TRMT11: variants seen among roughly 807,000 people sequenced by gnomAD.
TRMT11 encodes tRNA (guanine(10)-N(2))-methyltransferase TRMT11.
A neutral mutation model predicts 62.8 loss-of-function variants in TRMT11; 53 were observed. That is an observed-to-expected ratio of 0.84 (90% CI 0.68 to 1.06). The LOEUF (loss-of-function observed/expected upper bound fraction) is 1.06. Ranked by LOEUF, TRMT11 falls within the 50% of genes least tolerant of loss-of-function variation. TRMT11 has a pLI of 0.00. For missense variants in TRMT11, 556 were observed against 553.4 expected (o/e 1.00, Z -0.05); for synonymous variants, 188 against 190.3 (o/e 0.99, Z 0.10).
the TRMT11 span, among the ~76,000 whole-genome samples, chr6:126,256,703 T>A: frequency 1.3e-5 from 2 of 152,156 alleles, no homozygotes. Context: ...AATTCTGAAA[T>A]CCAGCAGGAT....
At chr6:126,051,254 G>A (rs989321593) in intron 16 of TRMT11, among the ~76,000 whole-genome samples, 1 of 152,178 alleles carries the variant, frequency 6.6e-6, no homozygotes, top group Non-Finnish European at 1.5e-5. Context: ...AGTTAGCCAG[G>A]TTAAGCTGGG....
At chr6:126,074,673 C>G (rs1433356888) in intron 17 of TRMT11, among the ~76,000 whole-genome samples, 1 of 152,070 alleles carries the variant, frequency 6.6e-6, no homozygotes, top group African/African-American at 2.4e-5. Context: ...TTATTTTCCT[C>G]AATCAGACAG....
chr6:126,069,646 G>A (rs1003098896), intron 17 of TRMT11, among the ~76,000 whole-genome samples: 8 of 152,150 alleles, frequency 5.3e-5, no homozygotes, highest in South Asian at 2.1e-4. Flanking sequence ...TAACAGCTTC[G>A]TGTTGGCCCC....
At chr6:126,021,059 C>A in intron 11 of TRMT11, 101 bp from the exon 12 acceptor site, 1 of 1,320,928 alleles carries the variant, frequency 7.6e-7, no homozygotes, top group East Asian at 2.3e-5. Flanking sequence ...GGAAAAAGAG[C>A]ATGTAGTGGA....
At chr6:126,266,368 C>T in the TRMT11 span, among the ~76,000 whole-genome samples, 4 of 152,118 alleles carry the variant, frequency 2.6e-5, no homozygotes, top group South Asian at 6.2e-4. Flanking sequence ...GAGCTTTCTA[C>T]GGTAACCACT....
chr6:126,130,325 T>A (rs569232979), intron 21 of TRMT11, among the ~76,000 whole-genome samples: 185 of 152,190 alleles, frequency 1.2e-3, no homozygotes, highest in Non-Finnish European at 2.2e-3. Context: ...AGATAATAAT[T>A]GACACCTACA....
intron 21 of TRMT11, among the ~76,000 whole-genome samples, chr6:126,121,138 A>G (rs1777645196): frequency 1.3e-5 from 2 of 152,052 alleles, no homozygotes; most frequent in South Asian, 4.1e-4. Context: ...ACTCTATTAG[A>G]TTATCAATTT....
At chr6:125,988,608 A>T (rs1790058539) in intron 1 of TRMT11, among the ~76,000 whole-genome samples, 1 of 152,124 alleles carries the variant, frequency 6.6e-6, no homozygotes. Context: ...TTCTTGAGAG[A>T]TGATGGGCCA....
chr6:126,012,707 G>A, intron 9 of TRMT11, 64 bp from the exon 10 acceptor site: 2 of 1,247,954 alleles, frequency 1.6e-6, no homozygotes, highest in Non-Finnish European at 2.3e-6. Flanking sequence ...CAGCATGGCT[G>A]TTTGCCCTTG....
chr6:126,076,017 C>T (rs1468804243), intron 17 of TRMT11, among the ~76,000 whole-genome samples: 1 of 150,768 alleles, frequency 6.6e-6, no homozygotes, highest in Admixed American at 6.6e-5. Context: ...GGTTAGTGAA[C>T]ATTAACTGCT....
At chr6:126,159,532 C>A (rs1204065122) in intron 21 of TRMT11, among the ~76,000 whole-genome samples, 1 of 152,222 alleles carries the variant, frequency 6.6e-6, no homozygotes, top group African/African-American at 2.4e-5. Flanking sequence ...TAGAGGAAAG[C>A]TGCTTGTCAA....
chr6:125,999,541 T>G lies in TRMT11; in HGVS notation c.607T>G (p.Leu203Val). ...TGGAAATACAAGTATGGATGCTGGT[T>G]TGTCATTCATTATGGCTAACCATGG... Reference protein sequence around the residue: ...FIGNTSMDAGLSFIMANHGKV... With the variant: ...FIGNTSMDAGVSFIMANHGKV... Residue 203 changes from leucine to valine, a missense_variant, in exon 7 of 13, where the codon TTG (leucine) becomes GTG (valine). Transcript: ENST00000334379. The G allele has an allele frequency of 6.2e-7, 1 of 1,612,524 alleles. No homozygotes were observed. The highest frequency in any genetic ancestry group is 8.5e-7 in the Non-Finnish European group (1 of 1,179,010).
chr6:126,199,994 T>C (rs1343624334), intron 3 of TRMT11: 1 of 152,068 alleles, frequency 6.6e-6, no homozygotes, highest in African/African-American at 2.4e-5. Context: ...TATAAGGTGG[T>C]TGAGAAACAA....
intron 21 of TRMT11, among the ~76,000 whole-genome samples, chr6:126,165,136 G>A (rs143407805): frequency 6.6e-6 from 1 of 151,996 alleles, no homozygotes; most frequent in African/African-American, 2.4e-5. Flanking sequence ...AAATTAGCTG[G>A]GCGTAGTGGT....
At chr6:126,043,260 G>T (rs1025551836), downstream of TRMT11, among the ~76,000 whole-genome samples, 3 of 135,362 alleles carry the variant, frequency 2.2e-5, no homozygotes, top group African/African-American at 8.4e-5. Flanking sequence ...GTGTCCATGT[G>T]TTCTCATTGT....
At chr6:126,098,425 G>C (rs1415769312) in intron 17 of TRMT11, among the ~76,000 whole-genome samples, 1 of 152,116 alleles carries the variant, frequency 6.6e-6, no homozygotes, top group African/African-American at 2.4e-5. Context: ...TTTTATAAAA[G>C]CATACTTCAG....
At chr6:126,196,882 T>C (rs1269406828) in intron 1 of TRMT11, among the ~76,000 whole-genome samples, 1 of 152,184 alleles carries the variant, frequency 6.6e-6, no homozygotes, top group Non-Finnish European at 1.5e-5. Context: ...ACAAGGTTTA[T>C]GATTTTCTGA....
the TRMT11 span, among the ~76,000 whole-genome samples, chr6:126,212,919 C>T: frequency 1.5e-4 from 23 of 152,188 alleles, no homozygotes; most frequent in African/African-American, 4.3e-4. Flanking sequence ...AGATTTAAGT[C>T]GTTAATCCAT....
At chr6:126,190,200 C>T (rs532809770) in intron 1 of TRMT11, among the ~76,000 whole-genome samples, 28 of 152,220 alleles carry the variant, frequency 1.8e-4, no homozygotes, top group African/African-American at 6.3e-4. Flanking sequence ...TTCATCTACC[C>T]GCTTTCCCCT....
Sources: gnomAD v4.1 joint callset for allele counts (sites outside exome capture counted in the v4.1 genomes callset) on GRCh38, gnomAD v4.1.1 for gene constraint, MANE v1.5 for transcripts, NCBI Gene and HGNC (gene_info 2026-07-23, HGNC 2026-07-21) for gene names.